The following NLRP14 variants were observed in gnomAD, a reference collection of about 807,000 sequenced individuals.
NLRP14 encodes the protein NLR family pyrin domain containing 14.
In NLRP14, 105 loss-of-function variants were observed where a neutral mutation model predicts 94.7. That is an observed-to-expected ratio of 1.11 (90% CI 0.95 to 1.30). NLRP14 has a LOEUF of 1.30. Among genes scored for constraint, NLRP14 ranks in the 50% most tolerant of loss-of-function variants. The probability of loss-of-function intolerance (pLI) is 0.00; values close to 1 mark genes in which losing one functional copy is unlikely to be tolerated. For synonymous variants in NLRP14, 508 were observed against 459.9 expected (o/e 1.10, Z -1.34); for missense variants, 1,362 against 1,254.1 (o/e 1.09, Z -1.30).
intron 1 of NLRP14, among the ~76,000 whole-genome samples, chr11:7,030,822 C>T (rs1441241759): frequency 6.6e-6 from 1 of 152,128 alleles, no homozygotes; most frequent in Non-Finnish European, 1.5e-5. Context: ...GGTTCAATTC[C>T]CCGACTTCCT....
At position 7,062,410 on chromosome 11, in the gene NLRP14, G is replaced by A. The variant is rs1376128638; in HGVS notation, c.2882G>A (p.Ser961Asn). ...ATTTTGAATAACCCAAACCTGAGGA[G>A]CCTGGACCTTGGGAACAACGATTTG... Reference protein sequence around the residue: ...SVILNNPNLRSLDLGNNDLQD... With the variant: ...SVILNNPNLRNLDLGNNDLQD... The change falls in exon 10 of 12, where the codon AGC becomes AAC. Residue 961 changes from serine (S) to asparagine (N), a missense_variant. Ser to Asn is a conservative substitution (Grantham distance 46). Transcript: ENST00000299481. 3.1e-6 allele frequency: 5 copies of A among 1,613,202 alleles called. No homozygotes were observed. Among genetic ancestry groups the A allele is most frequent in the African/African-American group, 1.3e-5 (1 of 74,960 alleles).
chr11:7,042,517 A>C lies in NLRP14; in HGVS notation c.491A>C (p.His164Pro), dbSNP rs1852271335. 1.9e-6 allele frequency: 3 copies of C among 1,614,208 alleles called. No individual in the cohort carries two copies. In the East Asian group the frequency reaches 6.7e-5, roughly 36 times the overall value. Residue 164 changes from histidine (H) to proline (P), a missense_variant, in exon 4 of 12, where the codon CAC becomes CCC. His to Pro is a moderately conservative substitution (Grantham distance 77). Coordinates refer to ENST00000299481, the MANE Select transcript of NLRP14 (RefSeq NM_176822.4). ...IAEKDRKLLE[H>P]LFDVDVKTGA... ...GAGAAAGATAGAAAACTGTTGGAAC[A>C]CTTGTTCGATGTGGATGTCAAAACC...
chr11:7,060,066 T>C lies in NLRP14; in HGVS notation c.2804+2T>C. 5 of 1,611,500 alleles carry C rather than the reference T, an allele frequency of 3.1e-6. No individual in the cohort carries two copies. The highest frequency in any genetic ancestry group is 4.2e-6 in the Non-Finnish European group (5 of 1,178,016). On this transcript the variant is annotated splice_donor_variant, in intron 9 of 11. Coordinates refer to ENST00000299481, the MANE Select transcript of NLRP14 (RefSeq NM_176822.4). LOFTEE classifies it high-confidence loss of function. ...AAGCTGTAATCTTCAGGACTTGGAG[T>C]AGGTTTTCTGTTGCTTTACTTTTGT...
chr11:7,053,472 TA>T (rs1221961256), intron 6 of NLRP14, among the ~76,000 whole-genome samples: 2 of 28,284 alleles, frequency 7.1e-5, no homozygotes, highest in Middle Eastern at 0.014. Context: ...ATTTAAATTA[TA>T]TATATATATA....
rs948203118 is a variant in NLRP14 at position 7,059,795 on chromosome 11, A to G, written c.2634-99A>G. On this transcript the variant is annotated intron_variant, in intron 8 of 11. Coordinates refer to ENST00000299481, the MANE Select transcript of NLRP14 (RefSeq NM_176822.4). ...GTTTCATCTGAGATGGAATGTTGGCAAATAGATAAGGGATCAAATCATGAA... is the reference window on the plus strand; with the variant it reads ...GTTTCATCTGAGATGGAATGTTGGCGAATAGATAAGGGATCAAATCATGAA... The G allele has an allele frequency of 1.8e-5, 19 of 1,068,568 alleles. No homozygotes were observed. In the African/African-American group the frequency reaches 2.8e-4, roughly 16 times the overall value. The allele number at this position is 1,068,568 out of a possible 1,614,324, so 66.2% of individuals were successfully genotyped here. A position where few individuals can be genotyped will look rare whatever the true frequency, so the allele number is the denominator to read the frequency against.
the NLRP14 span, among the ~76,000 whole-genome samples, chr11:7,076,984 T>C: frequency 1.3e-5 from 2 of 152,274 alleles, no homozygotes; most frequent in African/African-American, 4.8e-5. Context: ...AGATAGGTGA[T>C]CTTGTTATCA....
In NLRP14 at chr11:7,032,355, A is replaced by T. The variant is rs182115673; in HGVS notation, c.-21-6211A>T. 5.9e-5 allele frequency among the ~76,000 whole-genome samples: 9 copies of T among 152,314 alleles called. 1 individual carries two copies. The highest frequency in any genetic ancestry group is 1.2e-4 in the Non-Finnish European group (8 of 68,036). On this transcript the variant is annotated intron_variant, in intron 1 of 11. Coordinates refer to ENST00000299481, the MANE Select transcript of NLRP14 (RefSeq NM_176822.4). Reference sequence around the variant, plus strand: ...TCAAGTGTGTGCTATATTTTTATACATTCATTATAATTGAATCCTTATTGA... The same window carrying T: ...TCAAGTGTGTGCTATATTTTTATACTTTCATTATAATTGAATCCTTATTGA...
chr11:7,058,015 T>C (rs898920668), intron 7 of NLRP14, among the ~76,000 whole-genome samples, 168 bp downstream of exon 7: 3 of 151,910 alleles, frequency 2.0e-5, no homozygotes, highest in African/African-American at 7.2e-5. Context: ...TCCCTCTCTT[T>C]TACTTCACTT....
chr11:7,060,342 A>T (rs1006572619), intron 9 of NLRP14, among the ~76,000 whole-genome samples: 1 of 151,988 alleles, frequency 6.6e-6, no homozygotes, highest in African/African-American at 2.4e-5. Context: ...TGCCCCAGTG[A>T]ATCTACTGTG....
intron 10 of NLRP14, among the ~76,000 whole-genome samples, chr11:7,064,730 C>T (rs1852678871): frequency 6.6e-6 from 1 of 152,086 alleles, no homozygotes; most frequent in South Asian, 2.1e-4. Flanking sequence ...ATCTGAATAT[C>T]AAAGGCAAAT....
At chr11:7,071,079 GT>G (rs916200672) in intron 11 of NLRP14, 93 bp from the exon 12 acceptor site, 9 of 1,436,364 alleles carry the variant, frequency 6.3e-6, no homozygotes, top group South Asian at 2.4e-5. Context: ...TAACAGAACA[GT>G]TTTTTTTCTC....
At chr11:7,074,649 C>G (rs1852851154), downstream of NLRP14, among the ~76,000 whole-genome samples, 1 of 152,154 alleles carries the variant, frequency 6.6e-6, no homozygotes. Context: ...AAGATGAAAA[C>G]TATTGATAAT....
intron 6 of NLRP14, among the ~76,000 whole-genome samples, chr11:7,054,809 A>G (rs187669474): frequency 1.7e-4 from 26 of 152,174 alleles, no homozygotes; most frequent in Non-Finnish European, 1.5e-5. Context: ...TTAACTTGCT[A>G]TGATCCCATT....
At chr11:7,076,171 G>A (rs1310489118), downstream of NLRP14, among the ~76,000 whole-genome samples, 1 of 152,108 alleles carries the variant, frequency 6.6e-6, no homozygotes, top group East Asian at 1.9e-4. Flanking sequence ...TCTAAAAATA[G>A]TATTTATCTT....
chr11:7,036,584 G>A lies in NLRP14; in HGVS notation c.-21-1982G>A, dbSNP rs1852165763. ...TTGTTAAAGTTAGGTGCATGCGTTA[G>A]CTTTTTTAATCCTTGCAGAGGTAGG... On this transcript the variant is annotated intron_variant, in intron 1 of 11. Transcript: ENST00000299481. Among the ~76,000 whole-genome samples the A allele has an allele frequency of 2.0e-5, 3 of 152,162 alleles. 1 individual carries two copies. In the South Asian group the frequency reaches 6.2e-4, roughly 32 times the overall value.
intron 9 of NLRP14, 113 bp downstream of exon 9, chr11:7,060,177 A>G: frequency 1.0e-6 from 1 of 970,762 alleles, no homozygotes; most frequent in Non-Finnish European, 1.6e-6. Flanking sequence ...TATAAAGCTG[A>G]TTTTCCCTCT....
rs76878188 is a variant in NLRP14 at position 7,061,088 on chromosome 11, A to G, written c.2804+1024A>G. The stretch of plus-strand genomic sequence containing the variant: ...CCCAACATAGTTTTTTAGAGCTATA[A>G]AGTCAAGCTCTTTGGTTGACCCAGA... On this transcript the variant is annotated intron_variant, in intron 9 of 11. Coordinates refer to ENST00000299481, the MANE Select transcript of NLRP14 (RefSeq NM_176822.4). Among the ~76,000 whole-genome samples, 6 of 152,152 alleles carry G rather than the reference A, an allele frequency of 3.9e-5. No individual in the cohort carries two copies. In the East Asian group the frequency reaches 1.2e-3, roughly 29 times the overall value.
intron 10 of NLRP14, among the ~76,000 whole-genome samples, chr11:7,068,893 A>G (rs1852748421): frequency 1.3e-5 from 2 of 151,878 alleles, no homozygotes; most frequent in Non-Finnish European, 2.9e-5. Context: ...GCCTCAAGCT[A>G]CTCTGTTCTC....
chr11:7,021,922 C>T (rs1851948783), intron 1 of NLRP14, among the ~76,000 whole-genome samples: 1 of 151,338 alleles, frequency 6.6e-6, no homozygotes, highest in South Asian at 2.1e-4. Flanking sequence ...GAGAATATTA[C>T]CTGAACCTCA....
Sources: allele counts gnomAD v4.1 joint callset (sites outside exome capture counted in the v4.1 genomes callset), GRCh38; gene constraint gnomAD v4.1.1; transcripts MANE v1.5; gene names NCBI Gene and HGNC (gene_info 2026-07-23, HGNC 2026-07-21).